SGSM3: variants seen among roughly 807,000 people sequenced by gnomAD.
The protein encoded by SGSM3 is small G protein signaling modulator 3, also known as RUN and SH3 containing 3.
Under a neutral mutation model 100.5 loss-of-function variants are expected in SGSM3, and 96 were observed. The observed-to-expected ratio is 0.96, with a 90% CI of 0.81 to 1.13. The LOEUF is 1.13. Ranked by LOEUF, SGSM3 falls within the 50% of genes most tolerant of loss-of-function variation. The probability of loss-of-function intolerance (pLI) is 0.00; values close to 1 mark genes in which losing one functional copy is unlikely to be tolerated. For missense variants in SGSM3, 1,001 were observed against 1,015.8 expected (o/e 0.99, Z 0.20); for synonymous variants, 483 against 422.8 (o/e 1.14, Z -1.75).
At chr22:40,406,037 C>T (rs1228750168) in intron 8 of SGSM3, 41 bp from the exon 9 acceptor site, 2 of 1,599,372 alleles carry the variant, frequency 1.3e-6, no homozygotes, top group Non-Finnish European at 1.7e-6. Flanking sequence ...GGGAGGTTTC[C>T]ACCACCTCCT....
Position 40,405,209 on chromosome 22 carries a change from GC to G in SGSM3, c.547del (p.Arg183AlafsTer41). On this transcript the variant is annotated frameshift_variant, in exon 7 of 22. Coordinates refer to ENST00000248929, the MANE Select transcript of SGSM3 (RefSeq NM_015705.6). LOFTEE classifies it high-confidence loss of function. ...TCGCCAGCATGGGTAGCATCGGGGT[GC>G]CCCGCCTGCGCAGGGTGCTCCGGGC... ...CFASMGSIGV[P>X]RLRRVLRALA... 2 of 1,588,174 alleles carry G rather than the reference GC, an allele frequency of 1.3e-6. No homozygotes were observed. The highest frequency in any genetic ancestry group is 1.8e-5 in the Admixed American group (1 of 56,736).
At chr22:40,404,697 G>C (rs760371912) in intron 6 of SGSM3, 33 bp downstream of exon 6, 4 of 1,498,450 alleles carry the variant, frequency 2.7e-6, no homozygotes, top group Admixed American at 1.7e-5. Flanking sequence ...GGAAGAGCTG[G>C]AGGCTGTGTG....
chr22:40,372,885 T>TTC (rs1194147259), intron 1 of SGSM3: 1 of 152,244 alleles, frequency 6.6e-6, no homozygotes, highest in Non-Finnish European at 1.5e-5. Context: ...ACTCTCCAGA[T>TTC]AGCCTGTTAT....
At position 40,404,464 on chromosome 22, in the gene SGSM3, GCCACAGGGAC is replaced by G. The variant is rs1569203939; in HGVS notation, c.366+18_366+27del. The G allele has an allele frequency of 1.9e-5, 30 of 1,606,702 alleles. No individual in the cohort carries two copies. Among genetic ancestry groups the G allele is most frequent in the Admixed American group, 3.4e-5 (2 of 59,470 alleles). On this transcript the variant is annotated intron_variant, in intron 5 of 21. Transcript: ENST00000248929. ...ATGGCATGAGGCCACAGGTAAGGTGGCCACAGGGACCCACAGGGTGTTGAGAGGGTCCTGG... is the reference window on the plus strand; with the variant it reads ...ATGGCATGAGGCCACAGGTAAGGTGGCCACAGGGTGTTGAGAGGGTCCTGG...
At position 40,407,713 on chromosome 22, in the gene SGSM3, G is replaced by A. The variant is rs1403186324; in HGVS notation, c.1525-76G>A. ...GTCTTGGCCTGGCCTAGTTGCTGAG[G>A]AGTCATATCGGGGGTGCAGGAGGCG... On this transcript the variant is annotated intron_variant, in intron 13 of 21. Transcript: ENST00000248929. This position sits in a 1 kb window ranked among gnomAD's most constrained non-coding sequence, Gnocchi z 4.7. 1 of 1,588,956 alleles carries A rather than the reference G, an allele frequency of 6.3e-7. No homozygotes were observed.
intron 1 of SGSM3, among the ~76,000 whole-genome samples, chr22:40,395,834 G>C (rs964829203): frequency 6.6e-6 from 1 of 152,118 alleles, no homozygotes; most frequent in Non-Finnish European, 1.5e-5. Flanking sequence ...TGAATCTGTT[G>C]CTTCTCTTTT....
At position 40,408,075 on chromosome 22, in the gene SGSM3, G is replaced by C; in HGVS notation, c.1584G>C (p.Trp528Cys). 6.2e-7 allele frequency: 1 copy of C among 1,608,906 alleles called. No individual in the cohort carries two copies. The highest frequency in any genetic ancestry group is 8.5e-7 in the Non-Finnish European group (1 of 1,177,412). Residue 528 changes from tryptophan (W) to cysteine (C), a missense_variant, in exon 15 of 22, where the codon TGG becomes TGC. Trp to Cys is a radical substitution (Grantham distance 215). Coordinates refer to ENST00000248929, the MANE Select transcript of SGSM3 (RefSeq NM_015705.6). ...WVGELNGLRG[W>C]FPAKFVEVLD... is the part of the protein sequence containing the mutation. ...CAGGGCCTGTTTTTCCCACAGGCTG[G>C]TTTCCAGCCAAGTTCGTGGAAGTCC... is the stretch of plus-strand genomic sequence containing the variant.
intron 8 of SGSM3, 63 bp from the exon 9 acceptor site, chr22:40,406,015 C>T (rs2051444486): frequency 5.1e-6 from 8 of 1,582,112 alleles, no homozygotes; most frequent in Admixed American, 3.4e-5. Context: ...GACCTTGCTG[C>T]AGTTCCGGGG....
chr22:40,388,021 C>A (rs978530661), intron 1 of SGSM3: 2 of 152,180 alleles, frequency 1.3e-5, no homozygotes, highest in African/African-American at 4.8e-5. Flanking sequence ...ACCTCAGTCT[C>A]GCCTAAAGGA....
Position 40,410,066 on chromosome 22 carries a change from G to GGA in SGSM3, c.*308_*309insAG. 4 of 1,265,046 alleles carry GGA rather than the reference G, an allele frequency of 3.2e-6. No homozygotes were observed. Among genetic ancestry groups the GGA allele is most frequent in the Non-Finnish European group, 4.0e-6 (4 of 1,005,248 alleles). The allele number at this position is 1,265,046 out of a possible 1,614,324, so 78.4% of individuals were successfully genotyped here. On this transcript the variant is annotated 3_prime_UTR_variant, in exon 22 of 22. Transcript: ENST00000248929. ...GGATGGGGGTGGCTAGTAGGCTCCT[G>GGA]GCCTCTTTGGTTTATAAATAAACTG...
chr22:40,404,591 A>G lies in SGSM3; in HGVS notation c.401A>G (p.Lys134Arg). ...CGGCTCTCTGGGGCCCTGCAGAAGA[A>G]GAGGAACTCTGAGCTGTCCTACCGC... ...WMRLSGALQK[K>R]RNSELSYREI... The change falls in exon 6 of 22, where the codon AAG becomes AGG. Residue 134 changes from lysine to arginine, a missense_variant. Transcript: ENST00000248929. The G allele has an allele frequency of 3.1e-6, 5 of 1,613,944 alleles. No homozygotes were observed. The highest frequency in any genetic ancestry group is 3.4e-6 in the Non-Finnish European group (4 of 1,179,946).
intron 1 of SGSM3, among the ~76,000 whole-genome samples, chr22:40,389,904 C>CAAAAA (rs556479827): frequency 1.7e-5 from 1 of 58,508 alleles, no homozygotes; most frequent in Non-Finnish European, 3.3e-5. Context: ...AACTCCGTCT[C>CAAAAA]AAAAAAAAAA....
chr22:40,408,119 A>C lies in SGSM3; in HGVS notation c.1628A>C (p.Glu543Ala). 1.5e-5 allele frequency: 13 copies of C among 875,004 alleles called. No individual in the cohort carries two copies. The highest frequency in any genetic ancestry group is 1.9e-5 in the Non-Finnish European group (11 of 579,524). 54.2% of individuals were successfully genotyped at this position (875,004 alleles called of 1,614,324 possible). A position where few individuals can be genotyped will look rare whatever the true frequency, so the allele number is the denominator to read the frequency against. ...FVEVLDERSKEYSIAGDDSVT... is the reference protein window; with the variant it reads ...FVEVLDERSKAYSIAGDDSVT... ...GAAGTCCTGGATGAGCGCAGCAAAGAGGTGAGGGGGGTGGGCGGGCTAGGC... is the reference window on the plus strand; with the variant it reads ...GAAGTCCTGGATGAGCGCAGCAAAGCGGTGAGGGGGGTGGGCGGGCTAGGC... Residue 543 changes from glutamate (E) to alanine (A), a missense_variant and splice_region_variant, in exon 15 of 22, where the codon GAG (glutamate) becomes GCG (alanine). Transcript: ENST00000248929.
intron 1 of SGSM3, among the ~76,000 whole-genome samples, chr22:40,370,998 GGA>G (rs1288700092): frequency 6.6e-6 from 1 of 152,224 alleles, no homozygotes; most frequent in South Asian, 2.1e-4. Flanking sequence ...CTGGCAGCCG[GGA>G]GCGGTTTTAC....
intron 1 of SGSM3, chr22:40,376,216 T>TTTTTTTTTTTG (rs1555913839): frequency 7.3e-6 from 1 of 137,414 alleles, no homozygotes; most frequent in Non-Finnish European, 1.5e-5. Context: ...TTTTTGTCTT[T>TTTTTTTTTTTG]TGGAAACAGT....
chr22:40,400,868 A>C, intron 2 of SGSM3, 55 bp downstream of exon 2: 1 of 1,488,912 alleles, frequency 6.7e-7, no homozygotes, highest in Non-Finnish European at 9.0e-7. Flanking sequence ...CAGAGGAGCC[A>C]GAGGGATGGA....
In SGSM3 at chr22:40,408,408, C is replaced by G. The variant is rs61729163; in HGVS notation, c.1761C>G (p.His587Gln). The change falls in exon 16 of 22, where the codon CAC (histidine) becomes CAG (glutamine). Residue 587 changes from histidine to glutamine, a missense_variant. Coordinates refer to ENST00000248929, the MANE Select transcript of SGSM3 (RefSeq NM_015705.6). ...CATCCCTGCTTGGGGGCGCCTGCCACCCCTGGCTGTTTATCGAGGAGGTAA... is the reference window on the plus strand; with the variant it reads ...CATCCCTGCTTGGGGGCGCCTGCCAGCCCTGGCTGTTTATCGAGGAGGTAA... ...KKPSLLGGAC[H>Q]PWLFIEEAAG... is the part of the protein sequence containing the mutation. The G allele has an allele frequency of 6.2e-7, 1 of 1,613,542 alleles. No individual in the cohort carries two copies. Among genetic ancestry groups the G allele is most frequent in the East Asian group, 2.2e-5 (1 of 44,868 alleles).
At chr22:40,372,144 T>TTTTTTGG (rs2045675278) in intron 1 of SGSM3, among the ~76,000 whole-genome samples, 1 of 105,746 alleles carries the variant, frequency 9.5e-6, no homozygotes. Flanking sequence ...TTTTTTTTTT[T>TTTTTTGG]GAGACGGAGT....
intron 1 of SGSM3, among the ~76,000 whole-genome samples, chr22:40,391,471 TGTG>T (rs1261205731): frequency 6.6e-6 from 1 of 152,108 alleles, no homozygotes; most frequent in African/African-American, 2.4e-5. Context: ...ATTAGCCTGG[TGTG>T]GTGGTGCACA....
Sources: gnomAD v4.1 joint callset for allele counts (sites outside exome capture counted in the v4.1 genomes callset) on GRCh38, gnomAD v4.1.1 for gene constraint, Gnocchi (gnomAD v3.1) non-coding constraint, MANE v1.5 for transcripts, NCBI Gene and HGNC (gene_info 2026-07-23, HGNC 2026-07-21) for gene names.